Variants in LAMB3 observed in about 807,000 individuals in gnomAD.
LAMB3 encodes laminin subunit beta-3.
Under a neutral mutation model 140.3 loss-of-function variants are expected in LAMB3, and 104 were observed. That is an observed-to-expected ratio of 0.74 (90% CI 0.63 to 0.87). The LOEUF is 0.87. Among genes scored for constraint, LAMB3 ranks in the 40% least tolerant of loss-of-function variants. The pLI, the probability that LAMB3 is intolerant of heterozygous loss-of-function variation, is 0.00. For synonymous variants in LAMB3, 592 were observed against 602.9 expected (o/e 0.98, Z 0.26); for missense variants, 1,531 against 1,575.2 (o/e 0.97, Z 0.47).
chr1:209,648,730 C>T (rs2076538985), intron 3 of LAMB3, among the ~76,000 whole-genome samples: 1 of 152,056 alleles, frequency 6.6e-6, no homozygotes, highest in South Asian at 2.1e-4. Flanking sequence ...GCCTCCCCTC[C>T]CAAAATGCAA....
Position 209,633,630 on chromosome 1 carries a change from T to C in LAMB3, c.565-497A>G, listed in dbSNP as rs529417969. On this transcript the variant is annotated intron_variant, in intron 6 of 22. Transcript: ENST00000356082. ...GTTTTCACATCAGCCCTCCACAAGT[T>C]AGGAAAAAGTTCTTATCTGGTGTGT... Among the ~76,000 whole-genome samples, 6 of 152,108 alleles carry C rather than the reference T, an allele frequency of 3.9e-5. No individual in the cohort carries two copies. The South Asian group carries it at 1.0e-3, about 26-fold the overall frequency.
chr1:209,635,093 C>G (rs536764022), intron 5 of LAMB3, among the ~76,000 whole-genome samples: 2 of 152,134 alleles, frequency 1.3e-5, no homozygotes, highest in Non-Finnish European at 2.9e-5. Flanking sequence ...CTGCATTGAT[C>G]TCATGATATA....
intron 5 of LAMB3, among the ~76,000 whole-genome samples, chr1:209,636,003 T>G (rs937957249): frequency 6.6e-6 from 1 of 152,172 alleles, no homozygotes; most frequent in African/African-American, 2.4e-5. Context: ...CATCTTTTGT[T>G]CTCAGCTGAA....
intron 14 of LAMB3, among the ~76,000 whole-genome samples, chr1:209,625,304 G>A (rs1263048682): frequency 2.0e-5 from 3 of 152,128 alleles, no homozygotes; most frequent in Admixed American, 6.5e-5. Flanking sequence ...CCTGCCTCTC[G>A]GATGCCCTCC....
intron 18 of LAMB3, among the ~76,000 whole-genome samples, chr1:209,619,226 G>T: frequency 6.6e-6 from 1 of 152,272 alleles, no homozygotes; most frequent in Middle Eastern, 3.4e-3. Flanking sequence ...ACACCTTATC[G>T]TCCCTCCCTG....
At position 209,618,613 on chromosome 1, in the gene LAMB3, C is replaced by T. The variant is rs757014178; in HGVS notation, c.2748G>A (p.Val916=). The T allele has an allele frequency of 1.9e-6, 3 of 1,614,118 alleles. No homozygotes were observed. Among genetic ancestry groups the T allele is most frequent in the African/African-American group, 1.3e-5 (1 of 74,950 alleles). ...AATIQEVSEA[V]LALWLPTDSA... ...AGTCTGTGGGCAGCCACAGGGCCAG[C>T]ACGGCCTCGCTGACCTCCTGGATAG... The change falls in exon 19 of 23, where the codon GTG becomes GTA. Residue 916 remains valine (V), a synonymous_variant. Coordinates refer to ENST00000356082, the MANE Select transcript of LAMB3 (RefSeq NM_000228.3).
chr1:209,634,357 G>A (rs886441867), intron 6 of LAMB3, 90 bp downstream of exon 6: 13 of 1,367,396 alleles, frequency 9.5e-6, no homozygotes, highest in Admixed American at 3.4e-5. Flanking sequence ...GGGTGTTTCC[G>A]TCCCTTCTCA....
intron 17 of LAMB3, 137 bp from the exon 18 acceptor site, chr1:209,622,817 G>A (rs1187270965): frequency 1.5e-6 from 2 of 1,362,686 alleles, no homozygotes; most frequent in South Asian, 1.2e-5. Context: ...ACATGTGGAT[G>A]TTCAGTAAAA....
At chr1:209,618,070 G>C (rs759663552) in intron 19 of LAMB3, 22 bp from the exon 20 acceptor site, 1 of 1,614,002 alleles carries the variant, frequency 6.2e-7, no homozygotes, top group East Asian at 2.2e-5. Context: ...AAGCAGCAGG[G>C]AGAGGAGAGA....
rs1553277846 is a variant in LAMB3, at chr1:209,630,690, A to T, written c.868T>A (p.Cys290Ser). ...VCQHNTAGPN[C>S]ERCAPFYNNR... ...TTGTAGAAGGGTGCACAGCGCTCAC[A>T]ATTTGGGCCGGCAGTGTTGTGCTGG... The change falls in exon 9 of 23, where the codon TGT (cysteine) becomes AGT (serine). Residue 290 changes from cysteine (C) to serine (S), a missense_variant. Cys to Ser is a moderately radical substitution (Grantham distance 112). Transcript: ENST00000356082. 1.2e-6 allele frequency: 2 copies of T among 1,613,810 alleles called. No homozygotes were observed. Among genetic ancestry groups the T allele is most frequent in the Non-Finnish European group, 1.7e-6 (2 of 1,179,982 alleles).
chr1:209,639,081 T>G (rs999453114), intron 3 of LAMB3, among the ~76,000 whole-genome samples: 15 of 152,054 alleles, frequency 9.9e-5, no homozygotes, highest in Admixed American at 3.3e-4. Flanking sequence ...CCTGGCAGCC[T>G]GGGAAATTCT....
intron 3 of LAMB3, among the ~76,000 whole-genome samples, chr1:209,647,783 C>T (rs536887444): frequency 3.3e-5 from 5 of 152,328 alleles, no homozygotes; most frequent in Admixed American, 6.5e-5. Flanking sequence ...AAGATCCCAG[C>T]ACACAACCAA....
chr1:209,650,314 C>A (rs746159632), intron 2 of LAMB3, among the ~76,000 whole-genome samples, 196 bp from the exon 3 acceptor site: 1 of 152,162 alleles, frequency 6.6e-6, no homozygotes, highest in Non-Finnish European at 1.5e-5. Context: ...TTCCAGAACT[C>A]AAAACTTGAA....
chr1:209,616,728 G>T (rs1045593263), intron 21 of LAMB3, 104 bp from the exon 22 acceptor site: 13 of 1,157,474 alleles, frequency 1.1e-5, no homozygotes, highest in Middle Eastern at 1.9e-4. Context: ...CAGTGGGAAG[G>T]TGCCTCCTAT....
At chr1:209,631,027 C>A (rs959810215) in intron 8 of LAMB3, among the ~76,000 whole-genome samples, 1 of 152,240 alleles carries the variant, frequency 6.6e-6, no homozygotes, top group Non-Finnish European at 1.5e-5. Flanking sequence ...CCATGACACC[C>A]AGTCAGAGGC....
chr1:209,624,077 AC>A, intron 14 of LAMB3, 77 bp from the exon 15 acceptor site: 6 of 1,302,042 alleles, frequency 4.6e-6, no homozygotes, highest in Non-Finnish European at 6.5e-6. Flanking sequence ...CCTCAGAGCA[AC>A]TGCTACTGAG....
intron 3 of LAMB3, among the ~76,000 whole-genome samples, chr1:209,644,720 T>A (rs2076500783): frequency 6.6e-6 from 1 of 152,202 alleles, no homozygotes; most frequent in Admixed American, 6.5e-5. Flanking sequence ...TTCTTCTGCT[T>A]CATTCCACCC....
rs1666642246 is a variant in LAMB3 at position 209,630,555 on chromosome 1, C to A, written c.943+60G>T. 2.5e-6 allele frequency: 4 copies of A among 1,602,194 alleles called. 1 individual carries two copies. In the South Asian group the frequency reaches 4.4e-5, roughly 18 times the overall value. On this transcript the variant is annotated intron_variant, in intron 9 of 22. Coordinates refer to ENST00000356082, the MANE Select transcript of LAMB3 (RefSeq NM_000228.3). ...TGCATCCCAGGTGAGATCATCAAGG[C>A]CTAGAGGGGCCAGCACTCGACCCAG...
chr1:209,615,465 C>T lies in LAMB3; in HGVS notation c.3383-58G>A, dbSNP rs77567304. The T allele has an allele frequency of 3.3e-3, 5,030 of 1,524,194 alleles. 133 individuals are homozygous for T. In the African/African-American group the frequency reaches 0.06, roughly 18 times the overall value. 94.4% of individuals were successfully genotyped at this position (1,524,194 alleles called of 1,614,324 possible). A position where few individuals can be genotyped will look rare whatever the true frequency, so the allele number is the denominator to read the frequency against. On this transcript the variant is annotated intron_variant, in intron 22 of 22. Coordinates refer to ENST00000356082, the MANE Select transcript of LAMB3 (RefSeq NM_000228.3). ...GTTGATGGTGAGACTCCCCAAGACT[C>T]CCAACCCTTCCTTCCCCTCCTGCTA...
Sources: allele counts gnomAD v4.1 joint callset (sites outside exome capture counted in the v4.1 genomes callset), GRCh38; gene constraint gnomAD v4.1.1; transcripts MANE v1.5; gene names NCBI Gene and HGNC (gene_info 2026-07-23, HGNC 2026-07-21).